Variants in COL11A1 observed in about 807,000 individuals in gnomAD.
COL11A1 encodes collagen alpha-1(XI) chain.
COL11A1 carries 74 observed loss-of-function variants against 265.2 expected under a neutral mutation model. The observed-to-expected ratio is 0.28, with a 90% CI of 0.23 to 0.34. The LOEUF (loss-of-function observed/expected upper bound fraction) is 0.34. Ranked by LOEUF, COL11A1 falls within the 10% of genes least tolerant of loss-of-function variation. COL11A1 has a pLI of 1.00. For synonymous variants in COL11A1, 816 were observed against 727.6 expected (o/e 1.12, Z -1.96); for missense variants, 2,165 against 2,263.6 (o/e 0.96, Z 0.88).
At chr1:103,067,455 A>G (rs935216623) in intron 4 of COL11A1, among the ~76,000 whole-genome samples, 26 of 152,008 alleles carry the variant, frequency 1.7e-4, no homozygotes, top group African/African-American at 4.8e-4. Flanking sequence ...AAAATGACAT[A>G]GTAAAATTGT....
rs1010746735 is a variant in COL11A1, at chr1:103,031,409, A to G, written c.652-165T>C. On this transcript the variant is annotated intron_variant, in intron 4 of 66. Transcript: ENST00000370096. ...AGAGTCTTATAGGATTGAAAGAGAAACACCTATTTTACAAATCGGCTGTAA... is the reference window on the plus strand; with the variant it reads ...AGAGTCTTATAGGATTGAAAGAGAAGCACCTATTTTACAAATCGGCTGTAA... Among the ~76,000 whole-genome samples, 11 of 152,282 alleles carry G rather than the reference A, an allele frequency of 7.2e-5. 1 individual carries two copies. In the South Asian group the frequency reaches 2.3e-3, roughly 32 times the overall value.
chr1:102,924,560 T>C (rs1187506350), intron 46 of COL11A1, among the ~76,000 whole-genome samples: 2 of 152,206 alleles, frequency 1.3e-5, no homozygotes, highest in Non-Finnish European at 2.9e-5. Context: ...ATCTTTTAGG[T>C]GTTAACTGTT....
chr1:102,926,716 CACCT>C (rs1417133014), intron 46 of COL11A1, among the ~76,000 whole-genome samples: 1 of 152,072 alleles, frequency 6.6e-6, no homozygotes, highest in Non-Finnish European at 1.5e-5. Context: ...ATCTACAAGA[CACCT>C]ACTTTAATCA....
At chr1:103,091,859 A>G (rs572972123) in intron 1 of COL11A1, among the ~76,000 whole-genome samples, 11 of 152,200 alleles carry the variant, frequency 7.2e-5, no homozygotes, top group African/African-American at 2.6e-4. Context: ...AAGAAAGACA[A>G]TATATATCAG....
At chr1:103,025,272 G>A (rs913231817) in intron 7 of COL11A1, among the ~76,000 whole-genome samples, 7 of 152,072 alleles carry the variant, frequency 4.6e-5, no homozygotes, top group African/African-American at 1.7e-4. Context: ...AAATAATAGC[G>A]GCCAATTCAG....
chr1:103,022,685 C>T, intron 8 of COL11A1, 57 bp downstream of exon 8: 1 of 1,601,822 alleles, frequency 6.2e-7, no homozygotes, highest in Non-Finnish European at 8.5e-7. Flanking sequence ...TGGACATGGA[C>T]ATAAAAATAT....
intron 1 of COL11A1, among the ~76,000 whole-genome samples, chr1:103,085,951 A>G (rs1672820367): frequency 6.6e-6 from 1 of 152,178 alleles, no homozygotes; most frequent in Non-Finnish European, 1.5e-5. Flanking sequence ...TAAGAACCAG[A>G]GAACAAACTA....
rs1400841435 is a variant in COL11A1 at position 102,898,676 on chromosome 1, G to C, written c.4238C>G (p.Pro1413Arg). 2.5e-6 allele frequency: 4 copies of C among 1,611,962 alleles called. No homozygotes were observed. The African/African-American group carries it at 5.3e-5, about 22-fold the overall frequency. ...KPGPEGLRGI[P>R]GPVGEQGLPG... ...AACACAGATGCTCACCACAGGACCA[G>C]GGATGCCCCGAAGACCTTCTGGACC... The change falls in exon 56 of 67, where the codon CCT (proline) becomes CGT (arginine). Residue 1413 changes from proline (P) to arginine (R), a missense_variant. Pro to Arg is a moderately radical substitution (Grantham distance 103). Transcript: ENST00000370096.
chr1:102,990,491 C>A (rs1664026748), intron 28 of COL11A1, among the ~76,000 whole-genome samples: 1 of 151,690 alleles, frequency 6.6e-6, no homozygotes, highest in African/African-American at 2.4e-5. Context: ...ACACACAGAG[C>A]AACAATGCTG....
chr1:102,957,263 A>G (rs1470051907), intron 41 of COL11A1, among the ~76,000 whole-genome samples: 1 of 152,074 alleles, frequency 6.6e-6, no homozygotes, highest in African/African-American at 2.4e-5. Flanking sequence ...ATACATTAGA[A>G]TTAAATATTA....
At chr1:102,889,003 C>G in intron 59 of COL11A1, 84 bp from the exon 60 acceptor site, 1 of 1,234,702 alleles carries the variant, frequency 8.1e-7, no homozygotes, top group South Asian at 1.2e-5. Flanking sequence ...ATTTTCATAA[C>G]AGCATACACT....
In COL11A1 at chr1:103,065,572, AC is replaced by A. The variant is rs1385388177; in HGVS notation, c.651+9045del. Among the ~76,000 whole-genome samples, 394 of 67,370 alleles carry A rather than the reference AC, an allele frequency of 5.8e-3. 5 individuals carry two copies. Among genetic ancestry groups the A allele is most frequent in the African/African-American group, 0.018 (347 of 18,932 alleles). 44.2% of individuals were successfully genotyped at this position (67,370 alleles called of 152,430 possible). On this transcript the variant is annotated intron_variant, in intron 4 of 66. Coordinates refer to ENST00000370096, the MANE Select transcript of COL11A1 (RefSeq NM_001854.4). Reference sequence around the variant, plus strand: ...AGAAAGCAAACAAACAAACAAACAAACAAAAAAAATAGCAACAAAGGCAATA... The same window carrying A: ...AGAAAGCAAACAAACAAACAAACAAAAAAAAAAATAGCAACAAAGGCAATA...
At chr1:102,897,295 T>C (rs1364678238) in intron 57 of COL11A1, among the ~76,000 whole-genome samples, 1 of 151,980 alleles carries the variant, frequency 6.6e-6, no homozygotes, top group Non-Finnish European at 1.5e-5. Context: ...GGCATTTGAA[T>C]AAATTTTAAA....
intron 4 of COL11A1, among the ~76,000 whole-genome samples, chr1:103,055,286 C>T (rs1287824834): frequency 1.3e-5 from 2 of 152,134 alleles, no homozygotes; most frequent in Non-Finnish European, 2.9e-5. Flanking sequence ...TTTTATTTCT[C>T]AATTAAACAA....
chr1:102,979,144 A>G, intron 32 of COL11A1, 40 bp from the exon 33 acceptor site: 1 of 1,580,998 alleles, frequency 6.3e-7, no homozygotes, highest in Non-Finnish European at 8.7e-7. Flanking sequence ...AGTATATCAC[A>G]GTAAATTATG....
intron 4 of COL11A1, among the ~76,000 whole-genome samples, chr1:103,073,825 T>C (rs188007877): frequency 3.9e-5 from 6 of 152,134 alleles, no homozygotes; most frequent in Non-Finnish European, 8.8e-5. Context: ...TCTGTGTATG[T>C]ATAGTCACAC....
intron 4 of COL11A1, among the ~76,000 whole-genome samples, chr1:103,041,035 G>A (rs1668772220): frequency 6.6e-6 from 1 of 151,650 alleles, no homozygotes; most frequent in Non-Finnish European, 1.5e-5. Flanking sequence ...GACACATAAT[G>A]ATTAACTTTT....
chr1:103,059,159 G>T (rs1041489156), intron 4 of COL11A1, among the ~76,000 whole-genome samples: 3 of 152,106 alleles, frequency 2.0e-5, no homozygotes, highest in African/African-American at 4.8e-5. Context: ...GTGCCTAACT[G>T]CAGTGCAGCA....
intron 26 of COL11A1, 118 bp downstream of exon 26, chr1:102,996,961 CT>C (rs941421987): frequency 6.0e-5 from 51 of 848,866 alleles, no homozygotes; most frequent in Admixed American, 4.5e-4. Context: ...TCTAAGATAT[CT>C]TTTTTATACC....
Sources: allele counts gnomAD v4.1 joint callset (sites outside exome capture counted in the v4.1 genomes callset), GRCh38; gene constraint gnomAD v4.1.1; transcripts MANE v1.5; gene names NCBI Gene and HGNC (gene_info 2026-07-23, HGNC 2026-07-21).